WNK1: variants seen among roughly 807,000 people sequenced by gnomAD.
WNK1 encodes the protein serine/threonine-protein kinase WNK1.
A neutral mutation model predicts 222.8 loss-of-function variants in WNK1; 38 were observed. The observed-to-expected ratio is 0.17, with a 90% confidence interval of 0.13 to 0.22. The LOEUF (loss-of-function observed/expected upper bound fraction) is 0.22, where lower values mean the gene tolerates loss of function less well. Ranked by LOEUF, WNK1 falls within the 10% of genes least tolerant of loss-of-function variation. WNK1 has a pLI of 1.00. For synonymous variants in WNK1, 1,090 were observed against 1,092.9 expected (o/e 1.00, Z 0.05); for missense variants, 2,348 against 2,918.4 (o/e 0.80, Z 4.50).
chr12:853,208 T>C (rs1950533302), intron 4 of WNK1, among the ~76,000 whole-genome samples: 1 of 152,206 alleles, frequency 6.6e-6, no homozygotes. Context: ...AACTCTTGGC[T>C]GTAGGTTGAA....
intron 4 of WNK1, among the ~76,000 whole-genome samples, chr12:831,552 AT>A (rs1948795375): frequency 6.6e-6 from 1 of 151,818 alleles, no homozygotes; most frequent in African/African-American, 2.4e-5. Flanking sequence ...AAAAAAAAAA[AT>A]TCCTTTGTCT....
At chr12:771,359 T>C (rs1942472846) in intron 1 of WNK1, among the ~76,000 whole-genome samples, 2 of 152,254 alleles carry the variant, frequency 1.3e-5, no homozygotes, top group African/African-American at 2.4e-5. Flanking sequence ...TAATTTAGTG[T>C]CCATATTCAT....
Position 878,236 on chromosome 12 carries a change from C to T in WNK1, c.2248C>T (p.Pro750Ser), listed in dbSNP as rs556544822. 1.9e-6 allele frequency: 3 copies of T among 1,614,110 alleles called. No individual in the cohort carries two copies. Among genetic ancestry groups the T allele is most frequent in the South Asian group, 2.2e-5 (2 of 91,076 alleles). ...QQQQGIQQTA[P>S]PQQTVQYSLS... ...GCAGCAGGGAATACAGCAGACAGCCCCTCCTCAACAGACAGTGCAGTATTC... is the reference window on the plus strand; with the variant it reads ...GCAGCAGGGAATACAGCAGACAGCCTCTCCTCAACAGACAGTGCAGTATTC... The change falls in exon 10 of 28, where the codon CCT becomes TCT. Residue 750 changes from proline to serine, a missense_variant. Physicochemically the swap from Pro to Ser is moderately conservative, Grantham distance 74 (BLOSUM62 -1). Around this residue, in one of 13 missense-constraint regions of WNK1, gnomAD observed 547 missense variants for 558.3 expected, o/e 0.98. Transcript: ENST00000315939.
chr12:791,615 A>G (rs1246255170), intron 1 of WNK1, among the ~76,000 whole-genome samples: 2 of 152,026 alleles, frequency 1.3e-5, no homozygotes, highest in African/African-American at 2.4e-5. Flanking sequence ...CTGCCACCCT[A>G]AGATGGAAAT....
rs762667877 is a variant in WNK1 at position 908,526 on chromosome 12, A to G, written c.6883A>G (p.Met2295Val). ...TGCACCTGGGCAACTGTGCATCTCCATGACCTCGAACCTGGGTGGCTCTGC... is the reference window on the plus strand; with the variant it reads ...TGCACCTGGGCAACTGTGCATCTCCGTGACCTCGAACCTGGGTGGCTCTGC... ...FSAPGQLCIS[M>V]TSNLGGSAPI... The change falls in exon 28 of 28, where the codon ATG (methionine) becomes GTG (valine). Residue 2295 changes from methionine (M) to valine (V), a missense_variant. Met to Val is a conservative substitution (Grantham distance 21). Transcript: ENST00000315939. 1 of 1,614,168 alleles carries G rather than the reference A, an allele frequency of 6.2e-7. No homozygotes were observed. The highest frequency in any genetic ancestry group is 1.7e-5 in the Admixed American group (1 of 60,014).
intron 1 of WNK1, among the ~76,000 whole-genome samples, chr12:775,136 A>C (rs1223928462): frequency 6.6e-6 from 1 of 152,180 alleles, no homozygotes; most frequent in Non-Finnish European, 1.5e-5. Flanking sequence ...TATAGTATTA[A>C]AATCTGAAAT....
At chr12:863,624 A>G (rs1212786765) in intron 8 of WNK1, among the ~76,000 whole-genome samples, 1 of 152,094 alleles carries the variant, frequency 6.6e-6, no homozygotes, top group East Asian at 1.9e-4. Flanking sequence ...TTTAGAAAGC[A>G]AGTAGAATGA....
chr12:818,460 G>A (rs1222195246), intron 2 of WNK1, among the ~76,000 whole-genome samples: 3 of 152,098 alleles, frequency 2.0e-5, no homozygotes, highest in Admixed American at 2.0e-4. Context: ...TGATCTCTGG[G>A]ACCAGCCATT....
intron 2 of WNK1, among the ~76,000 whole-genome samples, chr12:821,116 A>G (rs899007553): frequency 2.8e-5 from 4 of 141,970 alleles, no homozygotes; most frequent in Non-Finnish European, 4.5e-5. Context: ...AAGTTAGATA[A>G]TCATGAAACC....
At chr12:792,786 A>G (rs948661334) in intron 1 of WNK1, among the ~76,000 whole-genome samples, 11 of 152,224 alleles carry the variant, frequency 7.2e-5, no homozygotes, top group East Asian at 5.8e-4. Context: ...TGTATTTCCA[A>G]TTCTTCATGC....
intron 3 of WNK1, among the ~76,000 whole-genome samples, chr12:828,982 C>A (rs933395586): frequency 6.6e-6 from 1 of 152,212 alleles, no homozygotes; most frequent in Non-Finnish European, 1.5e-5. Flanking sequence ...AATGCTTTCA[C>A]ATTTTCTTAT....
chr12:896,852 C>T lies in WNK1; in HGVS notation c.6245+120C>T, dbSNP rs565879779. On this transcript the variant is annotated intron_variant, in intron 24 of 27. Transcript: ENST00000315939. ...TAATGTCTCATTTCTTTTAAAGAGA[C>T]AGTGCCACAGAAGCCCCACCCCATA... is the stretch of plus-strand genomic sequence containing the variant. 4.1e-5 allele frequency: 45 copies of T among 1,095,594 alleles called. 1 individual carries two copies. The South Asian group carries it at 5.8e-4, about 14-fold the overall frequency. 67.9% of individuals were successfully genotyped at this position (1,095,594 alleles called of 1,614,324 possible). A position where few individuals can be genotyped will look rare whatever the true frequency, so the allele number is the denominator to read the frequency against.
chr12:830,197 A>G, intron 4 of WNK1, 37 bp downstream of exon 4: 2 of 1,610,624 alleles, frequency 1.2e-6, no homozygotes, highest in Non-Finnish European at 1.7e-6. Flanking sequence ...AACTTGGGGC[A>G]TATCTAACAA....
chr12:847,210 C>G (rs1201618029), intron 4 of WNK1, among the ~76,000 whole-genome samples: 1 of 152,116 alleles, frequency 6.6e-6, no homozygotes, highest in Non-Finnish European at 1.5e-5. Flanking sequence ...ATCTGTAATT[C>G]ACAAGGCGGT....
intron 1 of WNK1, among the ~76,000 whole-genome samples, chr12:804,760 C>G (rs1374090479): frequency 6.6e-6 from 1 of 152,010 alleles, no homozygotes; most frequent in Non-Finnish European, 1.5e-5. Flanking sequence ...CTTTCTGTCT[C>G]TGTGAATTTG....
At chr12:873,845 A>T (rs1228251743) in intron 9 of WNK1, among the ~76,000 whole-genome samples, 1 of 152,168 alleles carries the variant, frequency 6.6e-6, no homozygotes, top group African/African-American at 2.4e-5. Context: ...TGAGGAAAGA[A>T]ATATACTTTT....
intron 9 of WNK1, among the ~76,000 whole-genome samples, chr12:876,983 G>A (rs1246634570): frequency 6.7e-6 from 1 of 150,050 alleles, no homozygotes; most frequent in African/African-American, 2.5e-5. Context: ...TTTATTACAA[G>A]CAGATGTTGT....
chr12:879,938 G>A lies in WNK1; in HGVS notation c.2739G>A (p.Gln913=). 1 of 1,614,088 alleles carries A rather than the reference G, an allele frequency of 6.2e-7. No individual in the cohort carries two copies. ...VTQLPSQVHP[Q]LLQPAVQSMG... ...AGCTGCCAAGTCAGGTTCACCCACAGCTCCTACAACCAGCAGTTCAGTCCA... is the reference window on the plus strand; with the variant it reads ...AGCTGCCAAGTCAGGTTCACCCACAACTCCTACAACCAGCAGTTCAGTCCA... Residue 913 remains glutamine (Q), a synonymous_variant, in exon 11 of 28, where the codon CAG becomes CAA. Coordinates refer to ENST00000315939, the MANE Select transcript of WNK1 (RefSeq NM_018979.4).
chr12:822,702 G>C (rs12367824), intron 2 of WNK1, among the ~76,000 whole-genome samples: 19,774 of 151,938 alleles, frequency 0.13, 1,581 homozygotes, highest in Middle Eastern at 0.21. Flanking sequence ...CAAATTTTAT[G>C]TTTATACATT....
Sources: allele counts gnomAD v4.1 joint callset (sites outside exome capture counted in the v4.1 genomes callset), GRCh38; gene constraint gnomAD v4.1.1; regional missense constraint gnomAD v4.1.1; transcripts MANE v1.5; gene names NCBI Gene and HGNC (gene_info 2026-07-23, HGNC 2026-07-21).